BCL2: variants seen among roughly 807,000 people sequenced by gnomAD.
The protein encoded by BCL2 is apoptosis regulator Bcl-2.
BCL2 carries 1 observed loss-of-function variant against 14.2 expected under a neutral mutation model. The observed-to-expected ratio is 0.07, with a 90% CI of 0.02 to 0.33. The LOEUF is 0.33. Ranked by LOEUF, BCL2 falls within the 10% of genes least tolerant of loss-of-function variation. The pLI, the probability that BCL2 is intolerant of heterozygous loss-of-function variation, is 0.99. For synonymous variants in BCL2, 151 were observed against 137.2 expected (o/e 1.10, Z -0.70); for missense variants, 247 against 305.9 (o/e 0.81, Z 1.44).
At chr18:63,299,656 T>C (rs1035978351) in intron 2 of BCL2, among the ~76,000 whole-genome samples, 3 of 152,156 alleles carry the variant, frequency 2.0e-5, no homozygotes. Flanking sequence ...TCCCGCTTCA[T>C]CCCCTTCCAT....
chr18:63,273,771 T>G (rs1400941570), intron 2 of BCL2, among the ~76,000 whole-genome samples: 2 of 152,112 alleles, frequency 1.3e-5, no homozygotes, highest in African/African-American at 4.8e-5. Context: ...GACTCCTCCC[T>G]CTTAAGGCTC....
Position 63,126,797 on chromosome 18 carries a change from C to A in BCL2, c.*1828G>T, listed in dbSNP as rs769867822. ...CTAAATACAATTAAAAACAAAAAAA[C>A]GCTGAGATGCATGTATTTTTTTAAA... On this transcript the variant is annotated 3_prime_UTR_variant, in exon 3 of 3. Transcript: ENST00000333681. 8.8e-6 allele frequency: 2 copies of A among 226,474 alleles called. No homozygotes were observed. Among genetic ancestry groups the A allele is most frequent in the Non-Finnish European group, 1.8e-5 (2 of 113,746 alleles). The allele number at this position is 226,474 out of a possible 1,614,324, so 14.0% of individuals were successfully genotyped here. A position where few individuals can be genotyped will look rare whatever the true frequency, so the allele number is the denominator to read the frequency against.
intron 2 of BCL2, among the ~76,000 whole-genome samples, chr18:63,169,371 CTTT>C (rs1915159025): frequency 2.8e-5 from 1 of 35,920 alleles, no homozygotes; most frequent in African/African-American, 8.9e-5. Flanking sequence ...CTTTCTTTCT[CTTT>C]CTTTCTTTCT....
At chr18:63,314,615 T>C (rs1283071942) in intron 2 of BCL2, 1 of 152,202 alleles carries the variant, frequency 6.6e-6, no homozygotes, top group Non-Finnish European at 1.5e-5. Context: ...GTCGTCACAG[T>C]TCCCAGTTTA....
At chr18:63,147,213 T>C (rs1247729678) in intron 2 of BCL2, among the ~76,000 whole-genome samples, 1 of 152,188 alleles carries the variant, frequency 6.6e-6, no homozygotes, top group African/African-American at 2.4e-5. Flanking sequence ...GATTCACCTT[T>C]CCAGGCTTTG....
At chr18:63,293,328 T>A (rs997627919) in intron 2 of BCL2, among the ~76,000 whole-genome samples, 9 of 152,236 alleles carry the variant, frequency 5.9e-5, no homozygotes, top group African/African-American at 2.4e-5. Flanking sequence ...CTTCTCTTTT[T>A]TGGGGCTGTG....
At chr18:63,273,936 T>C (rs1457166940) in intron 2 of BCL2, among the ~76,000 whole-genome samples, 3 of 152,194 alleles carry the variant, frequency 2.0e-5, no homozygotes, top group Non-Finnish European at 2.9e-5. Context: ...GATGATATTC[T>C]TCACAAAGGA....
At chr18:63,262,477 T>C (rs1911689000) in intron 2 of BCL2, among the ~76,000 whole-genome samples, 1 of 152,184 alleles carries the variant, frequency 6.6e-6, no homozygotes, top group Admixed American at 6.5e-5. Flanking sequence ...TTAGGTCTTC[T>C]TGGACCTCCG....
At chr18:63,203,233 TA>T (rs900303135) in intron 2 of BCL2, among the ~76,000 whole-genome samples, 1 of 152,094 alleles carries the variant, frequency 6.6e-6, no homozygotes, top group African/African-American at 2.4e-5. Context: ...AGGTTTTATT[TA>T]AAAAAACTCC....
At chr18:63,178,138 T>C (rs926631558) in intron 2 of BCL2, among the ~76,000 whole-genome samples, 2 of 152,202 alleles carry the variant, frequency 1.3e-5, no homozygotes, top group African/African-American at 4.8e-5. Flanking sequence ...GCATTGGTTA[T>C]GGCAGAAACT....
chr18:63,254,383 TAAAAAAAAAAAAAA>T (rs71162613), intron 2 of BCL2, among the ~76,000 whole-genome samples: 31 of 38,412 alleles, frequency 8.1e-4, no homozygotes, highest in South Asian at 3.9e-3. Flanking sequence ...CTGTCTTTGC[TAAAAAAAAAAAAAA>T]AAAAAAAAAA....
intron 2 of BCL2, chr18:63,316,174 G>A (rs1274845260): frequency 6.6e-6 from 1 of 152,388 alleles, no homozygotes; most frequent in Non-Finnish European, 1.5e-5. Flanking sequence ...TCAGTTACAT[G>A]AGAGGGTAAC....
intron 2 of BCL2, among the ~76,000 whole-genome samples, chr18:63,240,101 C>T (rs1910957405): frequency 1.3e-5 from 2 of 152,140 alleles, no homozygotes; most frequent in South Asian, 4.1e-4. Context: ...GCAATCCTCC[C>T]ACCTCAGACT....
intron 2 of BCL2, among the ~76,000 whole-genome samples, chr18:63,168,465 T>G (rs563646934): frequency 1.3e-5 from 2 of 152,322 alleles, no homozygotes; most frequent in South Asian, 4.1e-4. Flanking sequence ...AGGTGGGGAC[T>G]GAGGCCCTGG....
In BCL2 at chr18:63,193,310, T is replaced by TGTGTGA. The variant is rs1909338419; in HGVS notation, c.586-64557_586-64552dup. ...TTAAAGTGACATTTGTGTGTGTCTG[T>TGTGTGA]GTGTGAGTGTGTGTGTTAAGAACTC... On this transcript the variant is annotated intron_variant, in intron 2 of 2. Transcript: ENST00000333681. 5.3e-5 allele frequency among the ~76,000 whole-genome samples: 8 copies of TGTGTGA among 152,312 alleles called. No homozygotes were observed. The South Asian group carries it at 1.5e-3, about 28-fold the overall frequency.
rs1364460400 is a variant in BCL2 at position 63,124,660 on chromosome 18, A to G, written c.*3965T>C. 4.4e-6 allele frequency: 1 copy of G among 225,834 alleles called. No homozygotes were observed. The highest frequency in any genetic ancestry group is 6.4e-5 in the East Asian group (1 of 15,536). The allele number at this position is 225,834 out of a possible 1,614,324, so 14.0% of individuals were successfully genotyped here. A position where few individuals can be genotyped will look rare whatever the true frequency, so the allele number is the denominator to read the frequency against. On this transcript the variant is annotated 3_prime_UTR_variant, in exon 3 of 3. Transcript: ENST00000333681. ...TAATAATTTAAAAAAAAAATCCCTG[A>G]AAGATCCAAATTGAATAACAATAAA... is the stretch of plus-strand genomic sequence containing the variant.
chr18:63,205,683 AG>A (rs1428286848), intron 2 of BCL2, among the ~76,000 whole-genome samples: 1 of 152,172 alleles, frequency 6.6e-6, no homozygotes, highest in African/African-American at 2.4e-5. Context: ...ATTTGACTAG[AG>A]GGGGTCTAGA....
chr18:63,304,338 C>T (rs1276596346), intron 2 of BCL2, among the ~76,000 whole-genome samples: 1 of 152,154 alleles, frequency 6.6e-6, no homozygotes, highest in African/African-American at 2.4e-5. Flanking sequence ...ATTGAATGAA[C>T]TTGCAGTAAC....
intron 2 of BCL2, among the ~76,000 whole-genome samples, chr18:63,298,290 C>T (rs1055005103): frequency 2.0e-5 from 3 of 152,184 alleles, no homozygotes; most frequent in Non-Finnish European, 4.4e-5. Context: ...TGATCCAGAA[C>T]GGCACACACA....
Sources: gnomAD v4.1 joint callset for allele counts (sites outside exome capture counted in the v4.1 genomes callset) on GRCh38, gnomAD v4.1.1 for gene constraint, MANE v1.5 for transcripts, NCBI Gene and HGNC (gene_info 2026-07-23, HGNC 2026-07-21) for gene names.